Variants in RFX2 observed in about 807,000 individuals in gnomAD.
The protein encoded by RFX2 is DNA-binding protein RFX2.
RFX2 carries 20 observed loss-of-function variants against 87.8 expected under a neutral mutation model. The observed-to-expected ratio is 0.23, with a 90% confidence interval of 0.16 to 0.33. The LOEUF (loss-of-function observed/expected upper bound fraction) is 0.33, where lower values mean the gene tolerates loss of function less well. Among genes scored for constraint, RFX2 ranks in the 10% least tolerant of loss-of-function variants. The pLI is 1.00. For missense variants in RFX2, 767 were observed against 1,012.3 expected (o/e 0.76, Z 3.29); for synonymous variants, 397 against 431.3 (o/e 0.92, Z 0.98).
intron 1 of RFX2, among the ~76,000 whole-genome samples, chr19:6,059,738 AAC>A (rs145515071): frequency 0.023 from 3,459 of 152,050 alleles, 140 homozygotes; most frequent in African/African-American, 0.079. Flanking sequence ...CATATACACA[AAC>A]ACACACACAC....
rs971516278 is a variant in RFX2, at chr19:6,011,351, A to T, written c.900-1100T>A. Among the ~76,000 whole-genome samples, 30 of 152,000 alleles carry T rather than the reference A, an allele frequency of 2.0e-4. No homozygotes were observed. Among genetic ancestry groups the T allele is most frequent in the African/African-American group, 6.3e-4 (26 of 41,458 alleles). ...TGTGGTGTGGTGGGGGCAGGGAGGG[A>T]GCCGGCTTGAGCTGGAGCATCTCCA... On this transcript the variant is annotated intron_variant, in intron 8 of 17. Transcript: ENST00000303657. The surrounding 1 kb of genome is among the most constrained non-coding windows in gnomAD (Gnocchi z 4.8).
intron 1 of RFX2, among the ~76,000 whole-genome samples, chr19:6,058,891 G>T (rs1293021250): frequency 6.6e-6 from 1 of 152,136 alleles, no homozygotes; most frequent in Non-Finnish European, 1.5e-5. Flanking sequence ...ATCTTCAGAG[G>T]CTGAGAGCAG....
At chr19:6,065,145 C>CA (rs2087491485) in intron 1 of RFX2, among the ~76,000 whole-genome samples, 2 of 152,106 alleles carry the variant, frequency 1.3e-5, no homozygotes, top group Admixed American at 1.3e-4. Flanking sequence ...GGTAGAACAG[C>CA]ATTTCTTTGG....
rs1353653855 is a variant in RFX2 at position 5,997,415 on chromosome 19, G to A, written c.1860-202C>T. ...GCCCACGTGACGGACAGGTGGGGCCGGCCTGCGCGCTCAGTTCCAGAGACC... is the reference window on the plus strand; with the variant it reads ...GCCCACGTGACGGACAGGTGGGGCCAGCCTGCGCGCTCAGTTCCAGAGACC... On this transcript the variant is annotated intron_variant, in intron 15 of 17. Coordinates refer to ENST00000303657, the MANE Select transcript of RFX2 (RefSeq NM_000635.4). The surrounding 1 kb of genome is among the most constrained non-coding windows in gnomAD (Gnocchi z 4.2). 4.1e-5 allele frequency: 24 copies of A among 583,568 alleles called. No individual in the cohort carries two copies. The highest frequency in any genetic ancestry group is 5.9e-5 in the Non-Finnish European group (20 of 339,578). The allele number at this position is 583,568 out of a possible 1,614,324, so 36.1% of individuals were successfully genotyped here.
intron 1 of RFX2, among the ~76,000 whole-genome samples, chr19:6,084,074 T>G (rs991006972): frequency 6.6e-6 from 1 of 151,984 alleles, no homozygotes; most frequent in Non-Finnish European, 1.5e-5. Flanking sequence ...CGTCTGTGAG[T>G]GCTAAAGAAC....
rs149368175 is a variant in RFX2 at position 6,007,851 on chromosome 19, G to A, written c.1135-49C>T. On this transcript the variant is annotated intron_variant, in intron 10 of 17. Coordinates refer to ENST00000303657, the MANE Select transcript of RFX2 (RefSeq NM_000635.4). The surrounding 1 kb of genome is among the most constrained non-coding windows in gnomAD (Gnocchi z 8.2). ...ACAGACGGGTGCGTGCGCCCATCACGTGCACTCAGCACACGTCAAGTGAGC... is the reference window on the plus strand; with the variant it reads ...ACAGACGGGTGCGTGCGCCCATCACATGCACTCAGCACACGTCAAGTGAGC... 315 of 1,279,254 alleles carry A rather than the reference G, an allele frequency of 2.5e-4. No homozygotes were observed. In the African/African-American group the frequency reaches 4.1e-3, roughly 17 times the overall value. 79.2% of individuals were successfully genotyped at this position (1,279,254 alleles called of 1,614,324 possible).
At chr19:6,033,318 A>G (rs1372125115) in intron 5 of RFX2, among the ~76,000 whole-genome samples, 2 of 152,224 alleles carry the variant, frequency 1.3e-5, no homozygotes, top group African/African-American at 4.8e-5. Flanking sequence ...AAAACAGGAA[A>G]ATAAGAAATG....
chr19:6,081,055 A>G (rs546169517), intron 1 of RFX2, among the ~76,000 whole-genome samples: 1 of 146,090 alleles, frequency 6.8e-6, no homozygotes, highest in Non-Finnish European at 1.5e-5. Flanking sequence ...AAAAAAAAAA[A>G]TCCAATTGCT....
Position 6,024,802 on chromosome 19 carries a change from C to T in RFX2, c.597+1361G>A, listed in dbSNP as rs1430653518. Among the ~76,000 whole-genome samples, 1 of 122,946 alleles carries T rather than the reference C, an allele frequency of 8.1e-6. No homozygotes were observed. The highest frequency in any genetic ancestry group is 1.7e-5 in the Non-Finnish European group (1 of 59,690). The allele number at this position is 122,946 out of a possible 152,430, so 80.7% of individuals were successfully genotyped here. On this transcript the variant is annotated intron_variant, in intron 6 of 17. Transcript: ENST00000303657. This position sits in a 1 kb window ranked among gnomAD's most constrained non-coding sequence, Gnocchi z 5.0. ...GAGGACGGGAGTGAGGACGGGATCA[C>T]GGTGAGGACGGGAGTGAGGACGGGA...
chr19:6,092,975 C>T (rs1454833919), intron 1 of RFX2, among the ~76,000 whole-genome samples: 1 of 151,962 alleles, frequency 6.6e-6, no homozygotes, highest in East Asian at 1.9e-4. Context: ...CCTGTGGTGT[C>T]GGGGAGGCGA....
In RFX2 at chr19:6,016,432, C is replaced by T. The variant is rs2086727223; in HGVS notation, c.598-161G>A. Among the ~76,000 whole-genome samples the T allele has an allele frequency of 6.6e-6, 1 of 152,152 alleles. No individual in the cohort carries two copies. The highest frequency in any genetic ancestry group is 1.5e-5 in the Non-Finnish European group (1 of 68,038). On this transcript the variant is annotated intron_variant, in intron 6 of 17. Coordinates refer to ENST00000303657, the MANE Select transcript of RFX2 (RefSeq NM_000635.4). The surrounding 1 kb of genome is among the most constrained non-coding windows in gnomAD (Gnocchi z 5.4). ...TTGAGGCGGAGTCTTGCTCTGTCAC[C>T]CAGTCTGGAGTACAGTGGCGCAATC...
rs368918339 is a variant in RFX2 at position 6,060,928 on chromosome 19, A to G, written c.-8-13424T>C. ...TCACCTGACTCCGGCTCCCTTCTCC[A>G]GCTGCCTCCCAGACCTCTCTGCCTG... On this transcript the variant is annotated intron_variant, in intron 1 of 17. Coordinates refer to ENST00000303657, the MANE Select transcript of RFX2 (RefSeq NM_000635.4). Among the ~76,000 whole-genome samples the G allele has an allele frequency of 4.6e-5, 7 of 152,018 alleles. 2 individuals carry two copies. Among genetic ancestry groups the G allele is most frequent in the African/African-American group, 1.7e-4 (7 of 41,466 alleles).
rs1026889774 is a variant in RFX2 at position 6,083,943 on chromosome 19, C to G, written c.-9+26450G>C. On this transcript the variant is annotated intron_variant, in intron 1 of 17. Transcript: ENST00000303657. The surrounding 1 kb of genome is among the most constrained non-coding windows in gnomAD (Gnocchi z 4.6). ...TACTGTTTAGGTTGCTTTACATTCT[C>G]TTCCCAGCCCCAGATCTCCAAATAC... is the stretch of plus-strand genomic sequence containing the variant. 6.6e-6 allele frequency among the ~76,000 whole-genome samples: 1 copy of G among 152,158 alleles called. No homozygotes were observed. Among genetic ancestry groups the G allele is most frequent in the African/African-American group, 2.4e-5 (1 of 41,430 alleles).
chr19:6,021,319 G>A lies in RFX2; in HGVS notation c.597+4844C>T, dbSNP rs764919749. On this transcript the variant is annotated intron_variant, in intron 6 of 17. Transcript: ENST00000303657. This position sits in a 1 kb window ranked among gnomAD's most constrained non-coding sequence, Gnocchi z 5.7. The stretch of plus-strand genomic sequence containing the variant: ...GTTTAGGTGCTGGGGATGCAACGGC[G>A]AATAAAAGACAAAAACCCCTGCCCC... Among the ~76,000 whole-genome samples, 3 of 152,174 alleles carry A rather than the reference G, an allele frequency of 2.0e-5. No individual in the cohort carries two copies. The highest frequency in any genetic ancestry group is 2.9e-5 in the Non-Finnish European group (2 of 68,030).
In RFX2 at chr19:6,007,840, G is replaced by T; in HGVS notation, c.1135-38C>A. The T allele has an allele frequency of 7.3e-7, 1 of 1,379,234 alleles. No individual in the cohort carries two copies. The highest frequency in any genetic ancestry group is 1.0e-6 in the Non-Finnish European group (1 of 989,802). 85.4% of individuals were successfully genotyped at this position (1,379,234 alleles called of 1,614,324 possible). On this transcript the variant is annotated intron_variant, in intron 10 of 17. Transcript: ENST00000303657. This position sits in a 1 kb window ranked among gnomAD's most constrained non-coding sequence, Gnocchi z 8.2. Reference sequence around the variant, plus strand: ...GGACCGGTGAGACAGACGGGTGCGTGCGCCCATCACGTGCACTCAGCACAC... The same window carrying T: ...GGACCGGTGAGACAGACGGGTGCGTTCGCCCATCACGTGCACTCAGCACAC...
In RFX2 at chr19:6,039,878, G is replaced by A; in HGVS notation, c.522+102C>T. The A allele has an allele frequency of 2.9e-6, 4 of 1,363,142 alleles. No homozygotes were observed. The highest frequency in any genetic ancestry group is 2.6e-5 in the Admixed American group (1 of 37,872). The allele number at this position is 1,363,142 out of a possible 1,614,324, so 84.4% of individuals were successfully genotyped here. ...CCGCCTGGGCCCAGAGCAGACGACAGCCCCTCCGGGCCTCCGGCTGCCTCT... is the reference window on the plus strand; with the variant it reads ...CCGCCTGGGCCCAGAGCAGACGACAACCCCTCCGGGCCTCCGGCTGCCTCT... On this transcript the variant is annotated intron_variant, in intron 5 of 17. Transcript: ENST00000303657. The surrounding 1 kb of genome is among the most constrained non-coding windows in gnomAD (Gnocchi z 5.2).
Position 6,040,011 on chromosome 19 carries a change from A to C in RFX2, c.491T>G (p.Leu164Arg). ...GGGCGATGAGCGGGAGGTGTGGGCC[A>C]GGGAGTGTCTGGTGCTGTCCATCCC... Reference protein sequence around the residue: ...HGGMDSTRHSLAHTSRSSPAT... With the variant: ...HGGMDSTRHSRAHTSRSSPAT... Residue 164 changes from leucine (L) to arginine (R), a missense_variant, in exon 5 of 18, where the codon CTG (leucine) becomes CGG (arginine). By Grantham distance (102) the Leu-to-Arg change is moderately radical. Transcript: ENST00000303657. The surrounding 1 kb of genome is among the most constrained non-coding windows in gnomAD (Gnocchi z 6.1). 1.2e-6 allele frequency: 2 copies of C among 1,602,032 alleles called. No individual in the cohort carries two copies. Among genetic ancestry groups the C allele is most frequent in the Non-Finnish European group, 1.7e-6 (2 of 1,173,894 alleles).
At chr19:6,080,534 G>T (rs2087766129) in intron 1 of RFX2, among the ~76,000 whole-genome samples, 1 of 152,162 alleles carries the variant, frequency 6.6e-6, no homozygotes. Context: ...CAGAGGGATA[G>T]AGCCAGGGGT....
intron 5 of RFX2, among the ~76,000 whole-genome samples, chr19:6,034,951 G>A (rs1225894506): frequency 6.6e-6 from 1 of 152,166 alleles, no homozygotes; most frequent in Admixed American, 6.5e-5. Context: ...TGGGCAAAAA[G>A]AAAGCTGTCA....
Sources: allele counts gnomAD v4.1 joint callset (sites outside exome capture counted in the v4.1 genomes callset), GRCh38; gene constraint gnomAD v4.1.1; non-coding constraint Gnocchi (gnomAD v3.1); transcripts MANE v1.5; gene names NCBI Gene and HGNC (gene_info 2026-07-23, HGNC 2026-07-21).